THAP4: variants seen among roughly 807,000 people sequenced by gnomAD.
THAP4 encodes the protein peroxynitrite isomerase THAP4.
THAP4 carries 18 observed loss-of-function variants against 48.1 expected under a neutral mutation model. The ratio of observed to expected loss-of-function variants is 0.37; its 90% CI spans 0.26 to 0.56. THAP4 has a LOEUF of 0.56. Ranked by LOEUF, THAP4 falls within the 20% of genes least tolerant of loss-of-function variation. The pLI is 0.78. For synonymous variants in THAP4, 345 were observed against 324.9 expected, an observed-to-expected ratio of 1.06 and a Z score of -0.66; for missense variants, 656 against 774.9, an observed-to-expected ratio of 0.85 and a Z score of 1.82.
In THAP4 at chr2:241,610,100, G is replaced by C. The variant is rs937733380; in HGVS notation, c.1241-3627C>G. On this transcript the variant is annotated intron_variant, in intron 2 of 5. Coordinates refer to ENST00000407315, the MANE Select transcript of THAP4 (RefSeq NM_015963.6). This position sits in a 1 kb window ranked among gnomAD's most constrained non-coding sequence, Gnocchi z 4.2. ...GGGTCCCGAGGGCCCCGAGGAAGAG[G>C]CCAAGGGGCCTGGCGGCGCCCCCCA... 2.0e-5 allele frequency among the ~76,000 whole-genome samples: 3 copies of C among 152,202 alleles called. No individual in the cohort carries two copies. The South Asian group carries it at 6.2e-4, about 31-fold the overall frequency.
intron 5 of THAP4, among the ~76,000 whole-genome samples, chr2:241,585,229 A>G (rs1395367040): frequency 6.6e-6 from 1 of 152,202 alleles, no homozygotes; most frequent in Non-Finnish European, 1.5e-5. Context: ...ATCAGAATAA[A>G]TTATAGCAGC....
At chr2:241,637,235 G>A, upstream of THAP4, 1 of 1,008,192 alleles carries the variant, frequency 9.9e-7, no homozygotes, top group Non-Finnish European at 1.2e-6. Context: ...GGGTTCGGGC[G>A]TCTTCGGACC....
At chr2:241,627,736 G>C (rs1479706947) in intron 2 of THAP4, among the ~76,000 whole-genome samples, 2 of 152,174 alleles carry the variant, frequency 1.3e-5, no homozygotes, top group African/African-American at 4.8e-5. Context: ...GGCCTGCGAC[G>C]CCGGCGTGAC....
chr2:241,623,061 C>T (rs2067453110), intron 2 of THAP4, among the ~76,000 whole-genome samples: 1 of 151,652 alleles, frequency 6.6e-6, no homozygotes, highest in African/African-American at 2.4e-5. Context: ...ACTAAAAATA[C>T]AAAAATTAGC....
chr2:241,632,167 AC>A (rs2067571939), intron 2 of THAP4, among the ~76,000 whole-genome samples: 1 of 151,986 alleles, frequency 6.6e-6, no homozygotes, highest in Non-Finnish European at 1.5e-5. Flanking sequence ...ATCCTGGCTC[AC>A]AGCAACCTCT....
chr2:241,632,495 ACCT>A (rs1406343646), intron 2 of THAP4, among the ~76,000 whole-genome samples: 1 of 151,758 alleles, frequency 6.6e-6, no homozygotes, highest in Admixed American at 6.6e-5. Context: ...AACAGAAAGA[ACCT>A]CCTCATGATT....
At position 241,603,038 on chromosome 2, in the gene THAP4, CT is replaced by C; in HGVS notation, c.1441del (p.Arg481GlufsTer33). 1 of 1,614,220 alleles carries C rather than the reference CT, an allele frequency of 6.2e-7. No individual in the cohort carries two copies. The highest frequency in any genetic ancestry group is 8.5e-7 in the Non-Finnish European group (1 of 1,180,004). On this transcript the variant is annotated frameshift_variant, in exon 4 of 6. Coordinates refer to ENST00000407315, the MANE Select transcript of THAP4 (RefSeq NM_015963.6). LOFTEE classifies it high-confidence loss of function. ...FHPDTRKPMHRECGFIRLKPD... is the reference protein window; with the variant it reads ...FHPDTRKPMHXECGFIRLKPD... ...CTTGAGGCGAATGAAGCCACACTCT[CT>C]GTGCATCGGCTTGCGCGTGTCCGGG... is the stretch of plus-strand genomic sequence containing the variant.
At chr2:241,609,669 C>T (rs1048308496) in intron 2 of THAP4, among the ~76,000 whole-genome samples, 1 of 152,160 alleles carries the variant, frequency 6.6e-6, no homozygotes, top group African/African-American at 2.4e-5. Context: ...CGCCTGTAAT[C>T]CCAGTTACTC....
Position 241,616,325 on chromosome 2 carries a change from A to G in THAP4, c.1241-9852T>C, listed in dbSNP as rs2067346914. 1.3e-5 allele frequency among the ~76,000 whole-genome samples: 2 copies of G among 152,174 alleles called. No homozygotes were observed. Among genetic ancestry groups the G allele is most frequent in the African/African-American group, 2.4e-5 (1 of 41,452 alleles). The stretch of plus-strand genomic sequence containing the variant: ...AGCTTGGAAGGCGACCCGTGACATC[A>G]GTGAGAAGGGCGGGTGCAGGCGCAC... On this transcript the variant is annotated intron_variant, in intron 2 of 5. Coordinates refer to ENST00000407315, the MANE Select transcript of THAP4 (RefSeq NM_015963.6). This position sits in a 1 kb window ranked among gnomAD's most constrained non-coding sequence, Gnocchi z 4.6.
In THAP4 at chr2:241,587,810, G is replaced by C. The variant is rs1399788663; in HGVS notation, c.1615-3085C>G. 3.9e-5 allele frequency among the ~76,000 whole-genome samples: 6 copies of C among 152,022 alleles called. No homozygotes were observed. In the South Asian group the frequency reaches 6.2e-4, roughly 16 times the overall value. ...CATGCCTTTAATCCCAGCTACTCGGGAGGCTGAGACAGGAGAATCACTTGA... is the reference window on the plus strand; with the variant it reads ...CATGCCTTTAATCCCAGCTACTCGGCAGGCTGAGACAGGAGAATCACTTGA... On this transcript the variant is annotated intron_variant, in intron 5 of 5. Coordinates refer to ENST00000407315, the MANE Select transcript of THAP4 (RefSeq NM_015963.6).
chr2:241,596,399 T>C (rs1336724193), intron 5 of THAP4, among the ~76,000 whole-genome samples: 1 of 146,700 alleles, frequency 6.8e-6, no homozygotes, highest in African/African-American at 2.5e-5. Context: ...CCCAGCTACT[T>C]AGGAGGCTGA....
chr2:241,635,310 C>T (rs536096461), intron 1 of THAP4, among the ~76,000 whole-genome samples: 1 of 152,016 alleles, frequency 6.6e-6, no homozygotes, highest in Non-Finnish European at 1.5e-5. Flanking sequence ...TGGTAAATTT[C>T]ATGTTACATG....
chr2:241,624,027 C>T (rs750025794), intron 2 of THAP4, among the ~76,000 whole-genome samples: 13 of 152,146 alleles, frequency 8.5e-5, no homozygotes, highest in Non-Finnish European at 1.3e-4. Flanking sequence ...CATCTGAGGA[C>T]GATGGCAAGT....
chr2:241,610,647 C>T lies in THAP4; in HGVS notation c.1241-4174G>A, dbSNP rs1186653937. Among the ~76,000 whole-genome samples, 2 of 152,132 alleles carry T rather than the reference C, an allele frequency of 1.3e-5. No homozygotes were observed. The highest frequency in any genetic ancestry group is 1.9e-4 in the East Asian group (1 of 5,152). On this transcript the variant is annotated intron_variant, in intron 2 of 5. Transcript: ENST00000407315. The surrounding 1 kb of genome is among the most constrained non-coding windows in gnomAD (Gnocchi z 4.2). ...GGCCCCTCATCTACTTGGCAGACGC[C>T]TCTCACCGGCAGCCTCTGCCTCCCC...
At chr2:241,617,062 C>T (rs548754699) in intron 2 of THAP4, among the ~76,000 whole-genome samples, 2 of 152,214 alleles carry the variant, frequency 1.3e-5, no homozygotes, top group South Asian at 2.1e-4. Context: ...GGGGTGAGGA[C>T]GACCAGTAAG....
At chr2:241,631,716 C>T (rs7570088) in intron 2 of THAP4, among the ~76,000 whole-genome samples, 22,571 of 152,178 alleles carry the variant, frequency 0.15, 1,860 homozygotes, top group Middle Eastern at 0.27. Flanking sequence ...CTTCCCTCTT[C>T]GGCCTCCCGA....
At chr2:241,627,404 T>C (rs1156432428) in intron 2 of THAP4, among the ~76,000 whole-genome samples, 1 of 152,196 alleles carries the variant, frequency 6.6e-6, no homozygotes, top group Non-Finnish European at 1.5e-5. Flanking sequence ...TATAACTCAG[T>C]GGGCAAGCAA....
chr2:241,625,405 G>A (rs188599580), intron 2 of THAP4, among the ~76,000 whole-genome samples: 1 of 151,392 alleles, frequency 6.6e-6, no homozygotes, highest in Admixed American at 6.6e-5. Context: ...AGCCGAGGAG[G>A]TTGAGGCAGC....
rs1262071939 is a variant in THAP4, at chr2:241,616,600, A to T, written c.1241-10127T>A. Among the ~76,000 whole-genome samples the T allele has an allele frequency of 1.3e-5, 2 of 152,206 alleles. No homozygotes were observed. The highest frequency in any genetic ancestry group is 4.8e-5 in the African/African-American group (2 of 41,458). Reference sequence around the variant, plus strand: ...CTGCTGCTTCAGGGGCACAGGGCCCACACCACACTTGGGGACAGGACAGGA... The same window carrying T: ...CTGCTGCTTCAGGGGCACAGGGCCCTCACCACACTTGGGGACAGGACAGGA... On this transcript the variant is annotated intron_variant, in intron 2 of 5. Transcript: ENST00000407315. This position sits in a 1 kb window ranked among gnomAD's most constrained non-coding sequence, Gnocchi z 4.6.
Sources: allele counts gnomAD v4.1 joint callset (sites outside exome capture counted in the v4.1 genomes callset), GRCh38; gene constraint gnomAD v4.1.1; non-coding constraint Gnocchi (gnomAD v3.1); transcripts MANE v1.5; gene names NCBI Gene and HGNC (gene_info 2026-07-23, HGNC 2026-07-21).